The following SIPA1L2 variants were observed in gnomAD, a reference collection of about 807,000 sequenced individuals.
SIPA1L2 encodes the protein signal-induced proliferation-associated 1-like protein 2.
In SIPA1L2, 56 loss-of-function variants were observed where a neutral mutation model predicts 163.9. The ratio of observed to expected loss-of-function variants is 0.34; its 90% CI spans 0.28 to 0.43. SIPA1L2 has a LOEUF of 0.43. SIPA1L2 is among the 20% of genes least tolerant of loss of function. SIPA1L2 has a pLI of 1.00. For synonymous variants in SIPA1L2, 877 were observed against 865.7 expected, an observed-to-expected ratio of 1.01 and a Z score of -0.23; for missense variants, 1,974 against 2,193.5, an observed-to-expected ratio of 0.90 and a Z score of 2.00.
intron 2 of SIPA1L2, among the ~76,000 whole-genome samples, chr1:232,523,577 G>C (rs1667551135): frequency 6.6e-6 from 1 of 152,110 alleles, no homozygotes; most frequent in Non-Finnish European, 1.5e-5. Flanking sequence ...AAAATAATCT[G>C]TCCTATTCTT....
intron 1 of SIPA1L2, among the ~76,000 whole-genome samples, chr1:232,584,117 T>C (rs1660526505): frequency 6.6e-6 from 1 of 152,228 alleles, no homozygotes; most frequent in Non-Finnish European, 1.5e-5. Context: ...TCCTGCACCA[T>C]ACCCAGAAGG....
chr1:232,508,077 T>G (rs373950242), intron 3 of SIPA1L2, among the ~76,000 whole-genome samples: 1 of 152,214 alleles, frequency 6.6e-6, no homozygotes, highest in Non-Finnish European at 1.5e-5. Flanking sequence ...AAAAAAGATA[T>G]AGATTCGTCA....
Position 232,528,102 on chromosome 1 carries a change from A to ATATATATATATATATATATATATATAT in SIPA1L2, c.-269-12495_-269-12494insATATATATATATATATATATATATATA, listed in dbSNP as rs34779799. On this transcript the variant is annotated intron_variant, in intron 2 of 22. Transcript: ENST00000674635. ...TTTATATATATATATATATATATATAATCAACTTTCTAAAAACCACAGGTA... is the reference window on the plus strand; with the variant it reads ...TTTATATATATATATATATATATATATATATATATATATATATATATATATATATCAACTTTCTAAAAACCACAGGTA... Among the ~76,000 whole-genome samples the ATATATATATATATATATATATATATAT allele has an allele frequency of 1.6e-3, 185 of 118,336 alleles. 1 individual carries two copies. Among genetic ancestry groups the ATATATATATATATATATATATATATAT allele is most frequent in the African/African-American group, 2.9e-3 (84 of 28,896 alleles). 77.6% of individuals were successfully genotyped at this position (118,336 alleles called of 152,430 possible).
At chr1:232,618,666 A>AAC (rs1662635206) in intron 1 of SIPA1L2, among the ~76,000 whole-genome samples, 1 of 151,464 alleles carries the variant, frequency 6.6e-6, no homozygotes. Context: ...AAAAAAAAAA[A>AAC]AAAACTCTTG....
chr1:232,555,270 A>C (rs1455499360), intron 2 of SIPA1L2, among the ~76,000 whole-genome samples: 1 of 152,208 alleles, frequency 6.6e-6, no homozygotes, highest in East Asian at 1.9e-4. Context: ...CGGTAATCTG[A>C]AGCCAGAGTG....
chr1:232,515,941 A>C (rs1667201818), intron 2 of SIPA1L2, among the ~76,000 whole-genome samples: 1 of 152,192 alleles, frequency 6.6e-6, no homozygotes, highest in Non-Finnish European at 1.5e-5. Context: ...ATTGCTGTTT[A>C]CCAACTCACT....
At chr1:232,527,533 A>C (rs778198263) in intron 2 of SIPA1L2, among the ~76,000 whole-genome samples, 25 of 152,268 alleles carry the variant, frequency 1.6e-4, no homozygotes, top group Admixed American at 5.2e-4. Flanking sequence ...TAAATATGAA[A>C]AGGAAACTTA....
In SIPA1L2 at chr1:232,550,465, T is replaced by C. The variant is rs187986008; in HGVS notation, c.-270+23709A>G. On this transcript the variant is annotated intron_variant, in intron 2 of 22. Transcript: ENST00000674635. ...GAGTCTGTGCAGCCACCTTCATTTA[T>C]ATAAGAAATAATCCTGACAGCAGCA... is the stretch of plus-strand genomic sequence containing the variant. Among the ~76,000 whole-genome samples the C allele has an allele frequency of 2.0e-5, 3 of 152,290 alleles. No individual in the cohort carries two copies. The East Asian group carries it at 5.8e-4, about 29-fold the overall frequency.
At chr1:232,608,062 A>C (rs1239435740) in intron 1 of SIPA1L2, among the ~76,000 whole-genome samples, 2 of 150,676 alleles carry the variant, frequency 1.3e-5, no homozygotes, top group Non-Finnish European at 3.0e-5. Context: ...AAAAAAAAAA[A>C]AAAAAAACGA....
At chr1:232,427,306 G>C (rs1661959782) in intron 17 of SIPA1L2, among the ~76,000 whole-genome samples, 1 of 152,202 alleles carries the variant, frequency 6.6e-6, no homozygotes, top group African/African-American at 2.4e-5. Context: ...CTTGATTACA[G>C]GCATATCAGA....
intron 10 of SIPA1L2, among the ~76,000 whole-genome samples, chr1:232,459,756 G>A (rs1337242243): frequency 6.6e-6 from 1 of 151,960 alleles, no homozygotes; most frequent in Non-Finnish European, 1.5e-5. Context: ...CAAGCGATCT[G>A]CCCACCTCGA....
At chr1:232,584,708 A>T (rs895940331) in intron 1 of SIPA1L2, among the ~76,000 whole-genome samples, 16 of 152,346 alleles carry the variant, frequency 1.1e-4, no homozygotes, top group South Asian at 1.0e-3. Flanking sequence ...CTACAAAGGG[A>T]AAGTATCCAT....
At position 232,537,626 on chromosome 1, in the gene SIPA1L2, A is replaced by G. The variant is rs534380366; in HGVS notation, c.-269-22018T>C. ...GAGCAATGGTGTAATAATGGCTAGT[A>G]GCACAGATGGGCTGTGGAGTCAGAC... is the stretch of plus-strand genomic sequence containing the variant. On this transcript the variant is annotated intron_variant, in intron 2 of 22. Coordinates refer to ENST00000674635, the MANE Select transcript of SIPA1L2 (RefSeq NM_020808.5). 1.1e-3 allele frequency among the ~76,000 whole-genome samples: 165 copies of G among 152,342 alleles called. 1 individual carries two copies. Among genetic ancestry groups the G allele is most frequent in the African/African-American group, 3.7e-3 (155 of 41,580 alleles).
intron 1 of SIPA1L2, among the ~76,000 whole-genome samples, chr1:232,584,362 C>CT (rs1229781338): frequency 6.6e-6 from 1 of 152,138 alleles, no homozygotes; most frequent in Non-Finnish European, 1.5e-5. Flanking sequence ...GTAGATGAGA[C>CT]TACAGGTGCA....
intron 2 of SIPA1L2, among the ~76,000 whole-genome samples, chr1:232,564,272 GTGTGTGTGTA>G (rs1180057936): frequency 9.0e-6 from 1 of 110,614 alleles, no homozygotes; most frequent in African/African-American, 4.3e-5. Context: ...GTGTGTGTGT[GTGTGTGTGTA>G]TGATGGAGTT....
At chr1:232,468,036 A>AC (rs1664613500) in intron 8 of SIPA1L2, among the ~76,000 whole-genome samples, 1 of 152,230 alleles carries the variant, frequency 6.6e-6, no homozygotes, top group South Asian at 2.1e-4. Context: ...GTACAAGAAA[A>AC]CCAGCAGAAT....
intron 16 of SIPA1L2, among the ~76,000 whole-genome samples, chr1:232,431,425 T>TA (rs1662232843): frequency 6.6e-6 from 1 of 152,196 alleles, no homozygotes; most frequent in South Asian, 2.1e-4. Context: ...TCATTTTTTT[T>TA]AAGAGAAAAA....
Position 232,415,567 on chromosome 1 carries a change from G to A in SIPA1L2, c.4689C>T (p.Gly1563=), listed in dbSNP as rs201195284. The change falls in exon 19 of 23, where the codon GGC becomes GGT. Residue 1563 remains glycine, a synonymous_variant. Coordinates refer to ENST00000674635, the MANE Select transcript of SIPA1L2 (RefSeq NM_020808.5). ...TGGCTGTGTCCGGGAGGGGCATCAG[G>A]CCAGGATCTGCGCACTTGGACTTAT... The part of the protein sequence containing the change: ...LSDKSKCADP[G]LMPLPDTATG... 1.9e-6 allele frequency: 3 copies of A among 1,613,918 alleles called. No homozygotes were observed. Among genetic ancestry groups the A allele is most frequent in the Non-Finnish European group, 1.7e-6 (2 of 1,179,912 alleles).
chr1:232,439,117 G>A lies in SIPA1L2; in HGVS notation c.4022C>T (p.Ser1341Phe). 6.2e-7 allele frequency: 1 copy of A among 1,605,208 alleles called. No individual in the cohort carries two copies. Among genetic ancestry groups the A allele is most frequent in the Non-Finnish European group, 8.5e-7 (1 of 1,175,392 alleles). The change falls in exon 15 of 23, where the codon TCT (serine) becomes TTT (phenylalanine). Residue 1341 changes from serine (S) to phenylalanine (F), a missense_variant. Around this residue, in one of 3 missense-constraint regions of SIPA1L2, gnomAD observed 1,079 missense variants for 1,150.7 expected, o/e 0.94. Coordinates refer to ENST00000674635, the MANE Select transcript of SIPA1L2 (RefSeq NM_020808.5). ...GSMGDLSEIS[S>F]HSSGSHHSGS... ...GTGCTGTGGGGCTTACCTGGAATGA[G>A]AGGATATCTCACTGAGATCGCCCAT... is the stretch of plus-strand genomic sequence containing the variant.
Sources: gnomAD v4.1 joint callset for allele counts (sites outside exome capture counted in the v4.1 genomes callset) on GRCh38, gnomAD v4.1.1 for gene constraint, gnomAD v4.1.1 regional missense constraint, MANE v1.5 for transcripts, NCBI Gene and HGNC (gene_info 2026-07-23, HGNC 2026-07-21) for gene names.